Variants in ZSCAN5A observed in about 807,000 individuals in gnomAD.
The protein encoded by ZSCAN5A is zinc finger and SCAN domain-containing protein 5A.
In ZSCAN5A, 12 loss-of-function variants were observed where a neutral mutation model predicts 23.7. The ratio of observed to expected loss-of-function variants is 0.51; its 90% CI spans 0.32 to 0.82. The LOEUF is 0.82. Ranked by LOEUF, ZSCAN5A falls within the 40% of genes least tolerant of loss-of-function variation. The pLI, the probability that ZSCAN5A is intolerant of heterozygous loss-of-function variation, is 0.03. For synonymous variants in ZSCAN5A, 257 were observed against 239.9 expected, an observed-to-expected ratio of 1.07 and a Z score of -0.66; for missense variants, 597 against 617.9, an observed-to-expected ratio of 0.97 and a Z score of 0.36.
intron 2 of ZSCAN5A, chr19:56,244,448 G>A (rs756442605): frequency 1.9e-5 from 30 of 1,570,126 alleles, no homozygotes; most frequent in Middle Eastern, 2.4e-4. Context: ...CCTCGTGACT[G>A]GTGCAGGGAA....
exon 1 of ZSCAN5A, chr19:56,368,263 C>T (rs2041788734): frequency 6.6e-6 from 1 of 152,398 alleles, no homozygotes; most frequent in African/African-American, 2.4e-5. Flanking sequence ...ATTCCGGTCA[C>T]TGGGAGCGGG....
At chr19:56,259,081 AC>A in intron 2 of ZSCAN5A, among the ~76,000 whole-genome samples, 1 of 152,240 alleles carries the variant, frequency 6.6e-6, no homozygotes, top group Non-Finnish European at 1.5e-5. Flanking sequence ...TGAGCCCACC[AC>A]CGATTTCCTG....
At chr19:56,318,137 G>C (rs994244853), upstream of ZSCAN5A, 1 of 152,104 alleles carries the variant, frequency 6.6e-6, no homozygotes, top group Non-Finnish European at 1.5e-5. Flanking sequence ...GTGTGTGTGA[G>C]AGTTGTGTGT....
At chr19:56,330,818 G>T (rs2041482117) in intron 2 of ZSCAN5A, among the ~76,000 whole-genome samples, 1 of 150,730 alleles carries the variant, frequency 6.6e-6, no homozygotes, top group South Asian at 2.1e-4. Context: ...TGTGTAATTA[G>T]ATCCAATTTG....
chr19:56,362,903 G>A lies in ZSCAN5A; in HGVS notation c.-358+332C>T, dbSNP rs78800490. Among the ~76,000 whole-genome samples, 103 of 150,366 alleles carry A rather than the reference G, an allele frequency of 6.8e-4. No homozygotes were observed. The East Asian group carries it at 0.016, about 24-fold the overall frequency. ...AAAAAAAAAGGTAACATCAGCCAAC[G>A]CTGAAGAACATGTATACGGGAACTG... On this transcript the variant is annotated intron_variant, in intron 2 of 6. Coordinates refer to the ZSCAN5A transcript ENST00000587340.
intron 4 of ZSCAN5A, 146 bp from the exon 5 acceptor site, chr19:56,222,887 C>G: frequency 1.9e-6 from 2 of 1,037,750 alleles, no homozygotes; most frequent in Non-Finnish European, 2.8e-6. Context: ...ACCACCCCAT[C>G]ACCCCACGTA....
chr19:56,228,661 A>T (rs1357296166), intron 2 of ZSCAN5A, among the ~76,000 whole-genome samples: 1 of 152,184 alleles, frequency 6.6e-6, no homozygotes, highest in East Asian at 1.9e-4. Flanking sequence ...CAGTGATTTG[A>T]TCTAGTTTGA....
intron 2 of ZSCAN5A, among the ~76,000 whole-genome samples, chr19:56,249,532 A>G (rs1230868604): frequency 6.6e-6 from 1 of 152,186 alleles, no homozygotes; most frequent in East Asian, 1.9e-4. Flanking sequence ...TCAGCCTCCC[A>G]ATGTGCTGGG....
At chr19:56,318,757 A>T (rs781684536), upstream of ZSCAN5A, among the ~76,000 whole-genome samples, 1 of 152,240 alleles carries the variant, frequency 6.6e-6, no homozygotes, top group Non-Finnish European at 1.5e-5. Flanking sequence ...TTTGAAACAG[A>T]CAAAGCCAAG....
chr19:56,239,783 A>T (rs193059034), intron 2 of ZSCAN5A, among the ~76,000 whole-genome samples: 68 of 152,202 alleles, frequency 4.5e-4, no homozygotes, highest in African/African-American at 1.6e-3. Flanking sequence ...CACTGGTTTG[A>T]TATTAATCCA....
intron 2 of ZSCAN5A, among the ~76,000 whole-genome samples, chr19:56,247,898 G>T (rs533288706): frequency 1.0e-3 from 157 of 152,200 alleles, no homozygotes; most frequent in Admixed American, 2.9e-3. Context: ...TCACCTGTTA[G>T]CCAGGATGGT....
intron 2 of ZSCAN5A, among the ~76,000 whole-genome samples, chr19:56,225,771 T>C (rs940314447): frequency 1.9e-4 from 29 of 152,158 alleles, no homozygotes; most frequent in Admixed American, 1.8e-3. Context: ...ATGCACCATG[T>C]TGTACAACCA....
intron 2 of ZSCAN5A, chr19:56,321,596 T>C (rs2041376650): frequency 1.3e-6 from 1 of 793,040 alleles, no homozygotes; most frequent in Non-Finnish European, 2.3e-6. Context: ...GGCATCCCCA[T>C]ATCTGGCAGC....
At chr19:56,323,008 C>A (rs1398205414) in intron 2 of ZSCAN5A, among the ~76,000 whole-genome samples, 1 of 151,134 alleles carries the variant, frequency 6.6e-6, no homozygotes, top group African/African-American at 2.4e-5. Flanking sequence ...CATTCTCCTG[C>A]CTCAGCCTCC....
chr19:56,296,637 A>G (rs1202399134), intron 2 of ZSCAN5A, among the ~76,000 whole-genome samples: 1 of 152,210 alleles, frequency 6.6e-6, no homozygotes, highest in African/African-American at 2.4e-5. Context: ...TTGTATTCCA[A>G]TCAGAGGAGA....
At chr19:56,322,487 A>T (rs113208310) in intron 2 of ZSCAN5A, among the ~76,000 whole-genome samples, 35 of 152,318 alleles carry the variant, frequency 2.3e-4, no homozygotes, top group African/African-American at 7.9e-4. Context: ...CAGCTTTTCC[A>T]GTAATACTGG....
intron 2 of ZSCAN5A, among the ~76,000 whole-genome samples, chr19:56,258,522 G>T (rs2036889924): frequency 6.7e-6 from 1 of 149,640 alleles, no homozygotes; most frequent in African/African-American, 2.5e-5. Context: ...TCCAGTGTGG[G>T]GGGGTGACAG....
At chr19:56,343,047 A>C in intron 2 of ZSCAN5A, 1 of 812,290 alleles carries the variant, frequency 1.2e-6, no homozygotes, top group Non-Finnish European at 2.2e-6. Flanking sequence ...CAGAACTGTC[A>C]GACAACCTTG....
intron 2 of ZSCAN5A, among the ~76,000 whole-genome samples, chr19:56,361,012 A>C (rs1220999102): frequency 2.6e-5 from 4 of 152,252 alleles, no homozygotes; most frequent in Non-Finnish European, 4.4e-5. Context: ...ATGCCATTAA[A>C]AAATGGGCAA....
Sources: gnomAD v4.1 joint callset for allele counts (sites outside exome capture counted in the v4.1 genomes callset) on GRCh38, gnomAD v4.1.1 for gene constraint, MANE v1.5 for transcripts, NCBI Gene and HGNC (gene_info 2026-07-23, HGNC 2026-07-21) for gene names.